LDAH: variants seen among roughly 807,000 people sequenced by gnomAD.
The protein encoded by LDAH is lipid droplet-associated hydrolase.
In LDAH, 26 loss-of-function variants were observed where a neutral mutation model predicts 29.6. The observed-to-expected ratio is 0.88, with a 90% CI of 0.64 to 1.22. The LOEUF is 1.22. Ranked by LOEUF, LDAH falls within the 50% of genes most tolerant of loss-of-function variation. The probability of loss-of-function intolerance (pLI) is 0.00; values close to 1 mark genes in which losing one functional copy is unlikely to be tolerated. For missense variants in LDAH, 344 were observed against 387.3 expected, an observed-to-expected ratio of 0.89 and a Z score of 0.94; for synonymous variants, 117 against 133.0, an observed-to-expected ratio of 0.88 and a Z score of 0.83.
At chr2:20,703,055 A>G (rs1284647674) in intron 5 of LDAH, among the ~76,000 whole-genome samples, 1 of 152,172 alleles carries the variant, frequency 6.6e-6, no homozygotes, top group East Asian at 1.9e-4. Flanking sequence ...TGAACTCCTG[A>G]CCTCAGAAGA....
intron 5 of LDAH, among the ~76,000 whole-genome samples, chr2:20,721,732 C>T (rs1665664941): frequency 4.6e-5 from 7 of 152,048 alleles, no homozygotes. Flanking sequence ...TTAGAGTTTT[C>T]CCAAAAAACT....
chr2:20,770,476 C>G (rs769017216), intron 4 of LDAH, among the ~76,000 whole-genome samples: 26 of 152,126 alleles, frequency 1.7e-4, no homozygotes, highest in Admixed American at 2.0e-4. Flanking sequence ...CAACTCAACT[C>G]CCAAACTTGA....
At chr2:20,744,385 A>G (rs1185126410) in intron 4 of LDAH, among the ~76,000 whole-genome samples, 1 of 152,128 alleles carries the variant, frequency 6.6e-6, no homozygotes, top group African/African-American at 2.4e-5. Context: ...CCTATGATTA[A>G]GTCTCAGTCT....
chr2:20,811,945 A>G (rs186416394), intron 1 of LDAH, among the ~76,000 whole-genome samples: 2 of 152,290 alleles, frequency 1.3e-5, no homozygotes, highest in East Asian at 3.9e-4. Flanking sequence ...GGGAATGAAA[A>G]AGGAGTGAAT....
chr2:20,756,075 A>C lies in LDAH; in HGVS notation c.469-15870T>G, dbSNP rs189708198. ...GAGACGGAGTCTCACTCTGTCACCCAGGCTAGAGTGTAGTGGCGCGGTCTT... is the reference window on the plus strand; with the variant it reads ...GAGACGGAGTCTCACTCTGTCACCCCGGCTAGAGTGTAGTGGCGCGGTCTT... On this transcript the variant is annotated intron_variant, in intron 4 of 6. Coordinates refer to ENST00000237822, the MANE Select transcript of LDAH (RefSeq NM_021925.4). 3.9e-3 allele frequency among the ~76,000 whole-genome samples: 588 copies of C among 151,766 alleles called. 2 individuals carry two copies. The highest frequency in any genetic ancestry group is 6.1e-3 in the Non-Finnish European group (417 of 67,934).
At chr2:20,761,211 G>T (rs1405345531) in intron 4 of LDAH, among the ~76,000 whole-genome samples, 1 of 152,112 alleles carries the variant, frequency 6.6e-6, no homozygotes, top group African/African-American at 2.4e-5. Flanking sequence ...GAAGTCAGTG[G>T]CACTTATGAA....
At chr2:20,732,950 G>C (rs1362071396) in intron 5 of LDAH, among the ~76,000 whole-genome samples, 6 of 151,912 alleles carry the variant, frequency 3.9e-5, no homozygotes, top group Admixed American at 3.9e-4. Context: ...CAAACCTTCT[G>C]CCTCAGCCTT....
At chr2:20,731,628 T>C (rs971732327) in intron 5 of LDAH, among the ~76,000 whole-genome samples, 1 of 152,228 alleles carries the variant, frequency 6.6e-6, no homozygotes, top group Non-Finnish European at 1.5e-5. Context: ...GTCATCATTT[T>C]CAGCATATAA....
At chr2:20,741,355 G>C (rs557218130) in intron 4 of LDAH, among the ~76,000 whole-genome samples, 2 of 152,032 alleles carry the variant, frequency 1.3e-5, no homozygotes, top group African/African-American at 4.8e-5. Flanking sequence ...AGGTCATCTA[G>C]GTTTTCTCCT....
intron 5 of LDAH, among the ~76,000 whole-genome samples, chr2:20,707,088 A>G (rs1300454074): frequency 6.6e-6 from 1 of 152,216 alleles, no homozygotes; most frequent in South Asian, 2.1e-4. Flanking sequence ...GGCCATACCC[A>G]CCAACCACCT....
chr2:20,685,823 C>A lies in LDAH; in HGVS notation c.*1080G>T. 1 of 727,640 alleles carries A rather than the reference C, an allele frequency of 1.4e-6. No individual in the cohort carries two copies. Among genetic ancestry groups the A allele is most frequent in the Non-Finnish European group, 2.0e-6 (1 of 500,338 alleles). The allele number at this position is 727,640 out of a possible 1,614,324, so 45.1% of individuals were successfully genotyped here. On this transcript the variant is annotated 3_prime_UTR_variant, in exon 7 of 7. Transcript: ENST00000237822. ...TCAATGTGTCTAGAGAAGGTGAATT[C>A]ACATAACTTAATGGCTGGGTTTGGT...
chr2:20,759,713 C>T (rs915038164), intron 4 of LDAH, among the ~76,000 whole-genome samples: 2 of 152,200 alleles, frequency 1.3e-5, no homozygotes, highest in African/African-American at 4.8e-5. Flanking sequence ...TCTGTTTCCA[C>T]TCCCCTCCCT....
intron 5 of LDAH, among the ~76,000 whole-genome samples, chr2:20,716,920 T>C (rs1665252589): frequency 6.8e-6 from 1 of 146,406 alleles, no homozygotes; most frequent in South Asian, 2.2e-4. Flanking sequence ...ATGAACTCCT[T>C]ACCTACATAC....
intron 4 of LDAH, among the ~76,000 whole-genome samples, chr2:20,741,641 C>A (rs541341921): frequency 3.9e-5 from 6 of 152,310 alleles, no homozygotes; most frequent in Admixed American, 2.0e-4. Flanking sequence ...GCCCACCACC[C>A]CAGACTCTAG....
At chr2:20,801,629 C>T (rs764381898) in intron 1 of LDAH, among the ~76,000 whole-genome samples, 164 bp from the exon 2 acceptor site, 1 of 152,066 alleles carries the variant, frequency 6.6e-6, no homozygotes, top group South Asian at 2.1e-4. Context: ...CTGGATTATA[C>T]GATTGCAAGA....
At chr2:20,703,131 A>G (rs1664069730) in intron 5 of LDAH, among the ~76,000 whole-genome samples, 1 of 152,198 alleles carries the variant, frequency 6.6e-6, no homozygotes, top group South Asian at 2.1e-4. Context: ...CAGCTCCCAG[A>G]TTATTAATTT....
In LDAH at chr2:20,687,030, T is replaced by C. The variant is rs1233694580; in HGVS notation, c.851A>G (p.Lys284Arg). 1 of 1,614,108 alleles carries C rather than the reference T, an allele frequency of 6.2e-7. No individual in the cohort carries two copies. Among genetic ancestry groups the C allele is most frequent in the African/African-American group, 1.3e-5 (1 of 75,054 alleles). The change falls in exon 7 of 7, where the codon AAG becomes AGG. Residue 284 changes from lysine (K) to arginine (R), a missense_variant. By Grantham distance (26) the Lys-to-Arg change is conservative. Transcript: ENST00000237822. ...TCGAATGTCTCCTTCTGGAAAATCCTTCTTAATGTCTTCATAGTACTCTTT... is the reference window on the plus strand; with the variant it reads ...TCGAATGTCTCCTTCTGGAAAATCCCTCTTAATGTCTTCATAGTACTCTTT... ...CPKEYYEDIK[K>R]DFPEGDIRLC...
downstream of LDAH, among the ~76,000 whole-genome samples, chr2:20,683,063 C>T (rs111938177): frequency 0.011 from 1,696 of 152,282 alleles, 17 homozygotes; most frequent in Middle Eastern, 0.037. Flanking sequence ...TTTATAGAAC[C>T]CTTTATAGAA....
In LDAH at chr2:20,686,842, T is replaced by G; in HGVS notation, c.*61A>C. ...TCTTCAAAATTAAACATTTACCTAC[T>G]AAGTCTAGTACACTGACTGCCTCCA... On this transcript the variant is annotated 3_prime_UTR_variant, in exon 7 of 7. Transcript: ENST00000237822. 1 of 1,390,940 alleles carries G rather than the reference T, an allele frequency of 7.2e-7. No individual in the cohort carries two copies. The highest frequency in any genetic ancestry group is 1.4e-5 in the African/African-American group (1 of 69,066). The allele number at this position is 1,390,940 out of a possible 1,614,324, so 86.2% of individuals were successfully genotyped here. A position where few individuals can be genotyped will look rare whatever the true frequency, so the allele number is the denominator to read the frequency against.
Sources: gnomAD v4.1 joint callset for allele counts (sites outside exome capture counted in the v4.1 genomes callset) on GRCh38, gnomAD v4.1.1 for gene constraint, MANE v1.5 for transcripts, NCBI Gene and HGNC (gene_info 2026-07-23, HGNC 2026-07-21) for gene names.